Variants in KDM5B observed in about 807,000 individuals in gnomAD.
KDM5B encodes the protein lysine-specific demethylase 5B.
A neutral mutation model predicts 193.4 loss-of-function variants in KDM5B; 144 were observed. The observed-to-expected ratio is 0.74, with a 90% CI of 0.65 to 0.86. KDM5B has a LOEUF of 0.86. Ranked by LOEUF, KDM5B falls within the 40% of genes least tolerant of loss-of-function variation. The probability of loss-of-function intolerance (pLI) is 0.00; values close to 1 mark genes in which losing one functional copy is unlikely to be tolerated. For missense variants in KDM5B, 1,833 were observed against 1,886.9 expected (o/e 0.97, Z 0.53); for synonymous variants, 668 against 682.6 (o/e 0.98, Z 0.33).
intron 1 of KDM5B, among the ~76,000 whole-genome samples, chr1:202,792,577 T>C (rs535501580): frequency 6.6e-6 from 1 of 152,308 alleles, no homozygotes; most frequent in South Asian, 2.1e-4. Context: ...TCAAAAATAC[T>C]GATAAGTAGA....
intron 1 of KDM5B, among the ~76,000 whole-genome samples, chr1:202,778,684 G>A (rs182452668): frequency 2.6e-5 from 4 of 152,214 alleles, no homozygotes; most frequent in East Asian, 3.9e-4. Context: ...GTACAATGAC[G>A]TGACCTCAGC....
chr1:202,734,091 T>C (rs1015130389), intron 22 of KDM5B, among the ~76,000 whole-genome samples: 1 of 152,036 alleles, frequency 6.6e-6, no homozygotes, highest in Non-Finnish European at 1.5e-5. Flanking sequence ...GAGGTGATAA[T>C]AGTGCCCACC....
intron 18 of KDM5B, 76 bp downstream of exon 18, chr1:202,742,315 T>G (rs1655375805): frequency 7.2e-6 from 7 of 978,724 alleles, no homozygotes; most frequent in South Asian, 5.6e-5. Context: ...AGAAGATTAC[T>G]TAGTAATATC....
chr1:202,778,864 C>T (rs1387920967), intron 1 of KDM5B, among the ~76,000 whole-genome samples: 9 of 152,100 alleles, frequency 5.9e-5, no homozygotes, highest in African/African-American at 1.7e-4. Context: ...TCATATGATC[C>T]GCCTGCCTCG....
At chr1:202,732,041 G>A (rs1313344590) in intron 23 of KDM5B, 102 bp from the exon 24 acceptor site, 8 of 548,076 alleles carry the variant, frequency 1.5e-5, no homozygotes, top group South Asian at 4.0e-5. Flanking sequence ...GGCAACCAGG[G>A]GAAAAAAAAA....
At chr1:202,731,706 G>T in intron 24 of KDM5B, 122 bp downstream of exon 24, 1 of 747,946 alleles carries the variant, frequency 1.3e-6, no homozygotes, top group Non-Finnish European at 2.3e-6. Flanking sequence ...ATACATAATA[G>T]CCTATATCCT....
intron 16 of KDM5B, among the ~76,000 whole-genome samples, chr1:202,743,730 A>G (rs1192611710): frequency 6.6e-6 from 1 of 152,238 alleles, no homozygotes; most frequent in African/African-American, 2.4e-5. Flanking sequence ...TCTAACAAAA[A>G]CAAGCAATGG....
chr1:202,749,633 G>A (rs1189707431), intron 13 of KDM5B, among the ~76,000 whole-genome samples: 1 of 149,702 alleles, frequency 6.7e-6, no homozygotes, highest in East Asian at 2.0e-4. Context: ...GCATCCCAAA[G>A]ATCTGTAATC....
chr1:202,786,191 T>TG (rs71142559), intron 1 of KDM5B, among the ~76,000 whole-genome samples: 584 of 56,036 alleles, frequency 0.01, 8 homozygotes, highest in African/African-American at 0.04. Context: ...AGACGGGGGG[T>TG]GGGGGGGGGG....
chr1:202,797,759 C>A (rs890377644), intron 1 of KDM5B, among the ~76,000 whole-genome samples: 1 of 152,206 alleles, frequency 6.6e-6, no homozygotes, highest in Non-Finnish European at 1.5e-5. Context: ...TCACTGTAAA[C>A]CCTTCTTAAT....
chr1:202,742,955 G>C, intron 16 of KDM5B, 150 bp from the exon 17 acceptor site: 1 of 707,836 alleles, frequency 1.4e-6, no homozygotes, highest in East Asian at 2.8e-5. Context: ...CAAATTTGTT[G>C]ATTTGATTTT....
In KDM5B at chr1:202,790,849, A is replaced by G. The variant is rs562281001; in HGVS notation, c.205-13755T>C. ...TCTTGAAAGTGGAGACCAGGCCAGC[A>G]CAAGACATCAAACCTGACAGTGCCT... On this transcript the variant is annotated intron_variant, in intron 1 of 26. Transcript: ENST00000367265. Among the ~76,000 whole-genome samples, 40 of 152,290 alleles carry G rather than the reference A, an allele frequency of 2.6e-4. No individual in the cohort carries two copies. The Middle Eastern group carries it at 0.01, about 39-fold the overall frequency.
intron 20 of KDM5B, among the ~76,000 whole-genome samples, chr1:202,738,124 A>C (rs1655165290): frequency 6.6e-6 from 1 of 152,220 alleles, no homozygotes; most frequent in South Asian, 2.1e-4. Flanking sequence ...GCAGTCCTTA[A>C]ATATATGATG....
intron 1 of KDM5B, among the ~76,000 whole-genome samples, chr1:202,800,177 T>C (rs548851071): frequency 6.6e-6 from 1 of 150,956 alleles, no homozygotes; most frequent in Admixed American, 6.6e-5. Context: ...CCGAGTAGCT[T>C]GGGACTACAG....
intron 1 of KDM5B, among the ~76,000 whole-genome samples, chr1:202,795,365 C>T (rs975527345): frequency 6.6e-6 from 1 of 151,966 alleles, no homozygotes; most frequent in African/African-American, 2.4e-5. Flanking sequence ...GAGGAGACTA[C>T]TAGAAGCTGG....
Position 202,746,313 on chromosome 1 carries a change from T to A in KDM5B, c.2027A>T (p.Asp676Val). Residue 676 changes from aspartate (D) to valine (V), a missense_variant, in exon 15 of 27, where the codon GAT becomes GTT. Around this residue, in one of 3 missense-constraint regions of KDM5B, gnomAD observed 1,379 missense variants for 1,349.6 expected, o/e 1.02. Transcript: ENST00000367265. Reference sequence around the variant, plus strand: ...CAGCTCAAAATCCATTCTTTCCGAATCAATCACTCCCTAGAATAAAGTATA... The same window carrying A: ...CAGCTCAAAATCCATTCTTTCCGAAACAATCACTCCCTAGAATAAAGTATA... ...RETVRKLGVI[D>V]SERMDFELLP... 2 of 1,605,778 alleles carry A rather than the reference T, an allele frequency of 1.2e-6. No homozygotes were observed. Among genetic ancestry groups the A allele is most frequent in the Non-Finnish European group, 1.7e-6 (2 of 1,176,434 alleles).
At chr1:202,799,084 C>G (rs1657969429) in intron 1 of KDM5B, among the ~76,000 whole-genome samples, 1 of 152,144 alleles carries the variant, frequency 6.6e-6, no homozygotes, top group Non-Finnish European at 1.5e-5. Context: ...GGCACTAACC[C>G]TTGTCTCACT....
At chr1:202,742,915 A>C (rs1425361423) in intron 16 of KDM5B, 110 bp from the exon 17 acceptor site, 1 of 903,840 alleles carries the variant, frequency 1.1e-6, no homozygotes, top group East Asian at 2.6e-5. Context: ...AATGTAACTT[A>C]CAAATGTTTG....
At chr1:202,771,575 TTTTG>T (rs1428678020) in intron 4 of KDM5B, among the ~76,000 whole-genome samples, 2 of 146,980 alleles carry the variant, frequency 1.4e-5, no homozygotes, top group Non-Finnish European at 3.0e-5. Flanking sequence ...TTTTTTAAGT[TTTTG>T]TTTATTTTAT....
Sources: gnomAD v4.1 joint callset for allele counts (sites outside exome capture counted in the v4.1 genomes callset) on GRCh38, gnomAD v4.1.1 for gene constraint, gnomAD v4.1.1 regional missense constraint, MANE v1.5 for transcripts, NCBI Gene and HGNC (gene_info 2026-07-23, HGNC 2026-07-21) for gene names.